Variants in CAMKMT observed in about 807,000 individuals in gnomAD.
The protein encoded by CAMKMT is CaM KMT.
In CAMKMT, 53 loss-of-function variants were observed where a neutral mutation model predicts 48.0. The observed-to-expected ratio is 1.10, with a 90% CI of 0.89 to 1.39. The LOEUF (loss-of-function observed/expected upper bound fraction) is 1.39. Among genes scored for constraint, CAMKMT ranks in the 40% most tolerant of loss-of-function variants. CAMKMT has a pLI of 0.00. For missense variants in CAMKMT, 428 were observed against 402.7 expected (o/e 1.06, Z -0.54); for synonymous variants, 165 against 152.3 (o/e 1.08, Z -0.61).
chr2:44,596,859 A>G (rs1041594209), intron 3 of CAMKMT, among the ~76,000 whole-genome samples: 2 of 152,190 alleles, frequency 1.3e-5, no homozygotes, highest in Non-Finnish European at 2.9e-5. Flanking sequence ...TATATAATAG[A>G]TTCCTTTCTA....
chr2:44,445,963 A>G (rs1666971947), intron 3 of CAMKMT, among the ~76,000 whole-genome samples: 1 of 152,052 alleles, frequency 6.6e-6, no homozygotes, highest in African/African-American at 2.4e-5. Context: ...GTCAGCAGGA[A>G]GCAGTTAAGA....
chr2:44,395,043 AAAATT>A (rs1012529994), intron 3 of CAMKMT: 1 of 444,018 alleles, frequency 2.3e-6, no homozygotes, highest in African/African-American at 2.0e-5. Flanking sequence ...TAGAGGAAAA[AAAATT>A]ATATGTTTTC....
chr2:44,583,434 A>G (rs1309986393), intron 3 of CAMKMT, among the ~76,000 whole-genome samples: 2 of 152,226 alleles, frequency 1.3e-5, no homozygotes, highest in Non-Finnish European at 2.9e-5. Flanking sequence ...AATCAGATCA[A>G]GTTTATGCTT....
At chr2:44,760,642 G>A (rs898708536) in intron 9 of CAMKMT, among the ~76,000 whole-genome samples, 2 of 151,610 alleles carry the variant, frequency 1.3e-5, no homozygotes, top group East Asian at 1.9e-4. Flanking sequence ...GTTAGGAATG[G>A]CCAAGAACAT....
At chr2:44,362,456 G>A (rs1292849806) in intron 1 of CAMKMT, among the ~76,000 whole-genome samples, 1 of 151,888 alleles carries the variant, frequency 6.6e-6, no homozygotes, top group Non-Finnish European at 1.5e-5. Context: ...AGTCTCTGGT[G>A]CGCCCGCCGC....
chr2:44,766,512 T>C lies in CAMKMT; in HGVS notation c.845T>C (p.Ile282Thr), dbSNP rs779697528. 6.2e-7 allele frequency: 1 copy of C among 1,614,164 alleles called. No individual in the cohort carries two copies. Among genetic ancestry groups the C allele is most frequent in the Non-Finnish European group, 8.5e-7 (1 of 1,180,034 alleles). ...CNLAEKAGFC[I>T]QRHENYDEHI... Reference sequence around the variant, plus strand: ...CTAGCTGAAAAAGCTGGTTTCTGTATCCAAAGACATGAAAATTATGATGAA... The same window carrying C: ...CTAGCTGAAAAAGCTGGTTTCTGTACCCAAAGACATGAAAATTATGATGAA... The change falls in exon 10 of 11, where the codon ATC (isoleucine) becomes ACC (threonine). Residue 282 changes from isoleucine (I) to threonine (T), a missense_variant. Coordinates refer to ENST00000378494, the MANE Select transcript of CAMKMT (RefSeq NM_024766.5).
chr2:44,756,465 G>C (rs1680384958), intron 9 of CAMKMT, among the ~76,000 whole-genome samples: 1 of 152,062 alleles, frequency 6.6e-6, no homozygotes, highest in South Asian at 2.1e-4. Context: ...AAGATGGCCG[G>C]GCACAGTGGC....
intron 3 of CAMKMT, among the ~76,000 whole-genome samples, chr2:44,650,206 T>C (rs1673981217): frequency 1.3e-5 from 2 of 152,206 alleles, no homozygotes; most frequent in Non-Finnish European, 2.9e-5. Flanking sequence ...CACTGCCTCC[T>C]TGTAGCTTCT....
At chr2:44,569,317 G>A (rs933459396) in intron 3 of CAMKMT, among the ~76,000 whole-genome samples, 20 of 152,034 alleles carry the variant, frequency 1.3e-4, no homozygotes, top group African/African-American at 3.9e-4. Flanking sequence ...AAATATCATC[G>A]GCTTCTTACA....
intron 6 of CAMKMT, among the ~76,000 whole-genome samples, chr2:44,713,528 AC>A (rs1397568846): frequency 2.0e-5 from 3 of 152,192 alleles, no homozygotes; most frequent in Admixed American, 6.6e-5. Flanking sequence ...AATAGACAGA[AC>A]TGTAGGCCGA....
At chr2:44,516,357 TC>T (rs1322683979) in intron 3 of CAMKMT, among the ~76,000 whole-genome samples, 3 of 152,210 alleles carry the variant, frequency 2.0e-5, no homozygotes, top group Non-Finnish European at 4.4e-5. Flanking sequence ...TTTGTTGGTT[TC>T]TTTTGATCTG....
At chr2:44,709,770 G>A (rs1268973445) in intron 6 of CAMKMT, among the ~76,000 whole-genome samples, 1 of 152,070 alleles carries the variant, frequency 6.6e-6, no homozygotes, top group African/African-American at 2.4e-5. Context: ...TTATATAGCA[G>A]TTGTAGGATA....
intron 3 of CAMKMT, among the ~76,000 whole-genome samples, chr2:44,614,157 G>C (rs1050415504): frequency 1.3e-5 from 2 of 152,130 alleles, no homozygotes; most frequent in Non-Finnish European, 2.9e-5. Flanking sequence ...GGTTGTATTT[G>C]GACTAGATAT....
rs541621628 is a variant in CAMKMT at position 44,547,702 on chromosome 2, C to G, written c.377-156581C>G. On this transcript the variant is annotated intron_variant, in intron 3 of 10. Coordinates refer to ENST00000378494, the MANE Select transcript of CAMKMT (RefSeq NM_024766.5). The stretch of plus-strand genomic sequence containing the variant: ...AATGCCATCTCTGTACTATCATTTC[C>G]TCATTTGAAATAATACCCATTTCAT... Among the ~76,000 whole-genome samples, 4 of 151,306 alleles carry G rather than the reference C, an allele frequency of 2.6e-5. No individual in the cohort carries two copies. In the South Asian group the frequency reaches 6.3e-4, roughly 24 times the overall value.
chr2:44,679,704 G>T (rs570878465), intron 3 of CAMKMT, among the ~76,000 whole-genome samples: 1 of 152,328 alleles, frequency 6.6e-6, no homozygotes, highest in African/African-American at 2.4e-5. Context: ...TAAGTTGCTG[G>T]AAGTAAACGA....
At chr2:44,621,637 G>A (rs1672203692) in intron 3 of CAMKMT, among the ~76,000 whole-genome samples, 1 of 152,212 alleles carries the variant, frequency 6.6e-6, no homozygotes, top group African/African-American at 2.4e-5. Context: ...AGTGTAGCAG[G>A]AAGGGTGAGA....
intron 3 of CAMKMT, among the ~76,000 whole-genome samples, chr2:44,532,618 G>A (rs1228417247): frequency 6.6e-6 from 1 of 152,122 alleles, no homozygotes; most frequent in Non-Finnish European, 1.5e-5. Flanking sequence ...AGCTGTAATA[G>A]GATGCATACT....
intron 7 of CAMKMT, among the ~76,000 whole-genome samples, chr2:44,738,666 G>A (rs1372179009): frequency 1.3e-5 from 2 of 152,160 alleles, no homozygotes; most frequent in Non-Finnish European, 2.9e-5. Flanking sequence ...CTGTATCCCT[G>A]TGGTGCTTAT....
rs193023642 is a variant in CAMKMT at position 44,538,507 on chromosome 2, T to A, written c.376+148202T>A. Among the ~76,000 whole-genome samples, 8 of 152,226 alleles carry A rather than the reference T, an allele frequency of 5.3e-5. No homozygotes were observed. The East Asian group carries it at 1.5e-3, about 29-fold the overall frequency. On this transcript the variant is annotated intron_variant, in intron 3 of 10. Transcript: ENST00000378494. ...ATTGAGTTGGAGGCCATTTTTTAAGTGAACTAACTCAGGAATGGAAAACCA... is the reference window on the plus strand; with the variant it reads ...ATTGAGTTGGAGGCCATTTTTTAAGAGAACTAACTCAGGAATGGAAAACCA...
Sources: gnomAD v4.1 joint callset for allele counts (sites outside exome capture counted in the v4.1 genomes callset) on GRCh38, gnomAD v4.1.1 for gene constraint, MANE v1.5 for transcripts, NCBI Gene and HGNC (gene_info 2026-07-23, HGNC 2026-07-21) for gene names.